Variants in ABI3BP observed in about 807,000 individuals in gnomAD.
The protein encoded by ABI3BP is ABI family member 3 binding protein.
In ABI3BP, 216 loss-of-function variants were observed where a neutral mutation model predicts 268.6. That is an observed-to-expected ratio of 0.80 (90% CI 0.72 to 0.90). The LOEUF is 0.90. Among genes scored for constraint, ABI3BP ranks in the 40% least tolerant of loss-of-function variants. The pLI is 0.00. For missense variants in ABI3BP, 2,090 were observed against 2,182.4 expected (o/e 0.96, Z 0.84); for synonymous variants, 730 against 730.0 (o/e 1.00, Z 0.00).
rs938329344 is a variant in ABI3BP, at chr3:100,844,335, C to T, written c.1723+2037G>A. Reference sequence around the variant, plus strand: ...TAAACCATGAAGGAAACAATTCCCACTGGACGAGGTAGACAAGTTAAGACA... The same window carrying T: ...TAAACCATGAAGGAAACAATTCCCATTGGACGAGGTAGACAAGTTAAGACA... On this transcript the variant is annotated intron_variant, in intron 20 of 67. Coordinates refer to ENST00000471714, the MANE Select transcript of ABI3BP (RefSeq NM_001375547.2). 1.5e-5 allele frequency: 15 copies of T among 985,320 alleles called. No homozygotes were observed. In the African/African-American group the frequency reaches 2.4e-4, roughly 16 times the overall value. The allele number at this position is 985,320 out of a possible 1,614,324, so 61.0% of individuals were successfully genotyped here.
At chr3:100,799,460 A>G (rs758698026) in intron 51 of ABI3BP, among the ~76,000 whole-genome samples, 9 of 152,166 alleles carry the variant, frequency 5.9e-5, no homozygotes, top group Non-Finnish European at 1.2e-4. Flanking sequence ...AATCAATGGT[A>G]TATGTACTCA....
chr3:100,957,561 C>T (rs1323248036), intron 1 of ABI3BP, among the ~76,000 whole-genome samples: 1 of 152,116 alleles, frequency 6.6e-6, no homozygotes, highest in Non-Finnish European at 1.5e-5. Flanking sequence ...TAGATGAGAT[C>T]ACCAAGGGAG....
intron 1 of ABI3BP, among the ~76,000 whole-genome samples, chr3:100,965,564 A>G (rs1280309196): frequency 1.3e-5 from 2 of 152,094 alleles, no homozygotes; most frequent in East Asian, 3.9e-4. Context: ...TTTAGTAAGG[A>G]AAGGACTGAG....
intron 1 of ABI3BP, among the ~76,000 whole-genome samples, chr3:100,971,395 G>A (rs2083509785): frequency 6.6e-6 from 1 of 152,212 alleles, no homozygotes; most frequent in Non-Finnish European, 1.5e-5. Flanking sequence ...AGTGTTTCAA[G>A]AGAATAAGTA....
In ABI3BP at chr3:100,765,716, C is replaced by T; in HGVS notation, c.4850+125G>A. 1.4e-5 allele frequency: 10 copies of T among 716,194 alleles called. No individual in the cohort carries two copies. In the South Asian group the frequency reaches 1.8e-4, roughly 13 times the overall value. 44.4% of individuals were successfully genotyped at this position (716,194 alleles called of 1,614,324 possible). On this transcript the variant is annotated intron_variant, in intron 63 of 67. Coordinates refer to ENST00000471714, the MANE Select transcript of ABI3BP (RefSeq NM_001375547.2). ...GGTATCTAGTGCTATATATAGAAAA[C>T]CCAAGAGTGAAATGGAAGCTAGAGC...
intron 1 of ABI3BP, among the ~76,000 whole-genome samples, chr3:100,935,379 A>G (rs1038558552): frequency 1.3e-5 from 2 of 152,058 alleles, no homozygotes; most frequent in African/African-American, 4.8e-5. Flanking sequence ...TTGTTACTGT[A>G]GCATTTTAGT....
rs2099198212 is a variant in ABI3BP, at chr3:100,879,102, ACTCTAAAGCTTACTC to A, written c.697-2557_697-2543del. Among the ~76,000 whole-genome samples, 4 of 152,102 alleles carry A rather than the reference ACTCTAAAGCTTACTC, an allele frequency of 2.6e-5. No homozygotes were observed. In the South Asian group the frequency reaches 8.3e-4, roughly 32 times the overall value. ...TACGGTCACACTGCTGTGCGATAGCACTCTAAAGCTTACTCCTCCTGCCTAACTGAAACTTCCTAC... is the reference window on the plus strand; with the variant it reads ...TACGGTCACACTGCTGTGCGATAGCACTCCTGCCTAACTGAAACTTCCTAC... On this transcript the variant is annotated intron_variant, in intron 6 of 67. Coordinates refer to ENST00000471714, the MANE Select transcript of ABI3BP (RefSeq NM_001375547.2).
rs1267528516 is a variant in ABI3BP at position 100,749,842 on chromosome 3, T to G, written c.*653A>C. On this transcript the variant is annotated 3_prime_UTR_variant, in exon 68 of 68. Coordinates refer to ENST00000471714, the MANE Select transcript of ABI3BP (RefSeq NM_001375547.2). ...TGAAACAATATATTAGACTCCATTT[T>G]TAGCTGAAATGAAATTTACTGATTC... 5.0e-6 allele frequency: 2 copies of G among 396,746 alleles called. No individual in the cohort carries two copies. Among genetic ancestry groups the G allele is most frequent in the African/African-American group, 2.1e-5 (1 of 48,570 alleles). 24.6% of individuals were successfully genotyped at this position (396,746 alleles called of 1,614,324 possible).
intron 1 of ABI3BP, among the ~76,000 whole-genome samples, chr3:100,935,730 C>T (rs935951675): frequency 5.3e-5 from 8 of 151,750 alleles, no homozygotes; most frequent in Admixed American, 6.6e-5. Flanking sequence ...ATTTTATTCT[C>T]TTTGTAGCAA....
chr3:100,783,625 A>G (rs2096934400), intron 57 of ABI3BP, among the ~76,000 whole-genome samples: 1 of 152,188 alleles, frequency 6.6e-6, no homozygotes, highest in African/African-American at 2.4e-5. Context: ...AGTTGAAAAC[A>G]TTTATCCTTT....
At chr3:100,921,774 ATACT>A (rs1281183878) in intron 2 of ABI3BP, among the ~76,000 whole-genome samples, 12 of 152,226 alleles carry the variant, frequency 7.9e-5, no homozygotes, top group Admixed American at 7.9e-4. Context: ...ATCTCTGTCA[ATACT>A]TAATAAATAG....
At chr3:100,815,836 T>C in intron 44 of ABI3BP, 76 bp downstream of exon 44, 1 of 1,031,400 alleles carries the variant, frequency 9.7e-7, no homozygotes, top group Non-Finnish European at 1.4e-6. Context: ...CAGAAGCAAC[T>C]CTGGTCATGA....
chr3:100,822,878 T>A (rs1230613963), intron 37 of ABI3BP, among the ~76,000 whole-genome samples: 2 of 152,136 alleles, frequency 1.3e-5, no homozygotes, highest in African/African-American at 4.8e-5. Flanking sequence ...GAAATAAAGA[T>A]TAGAAATTTT....
intron 1 of ABI3BP, among the ~76,000 whole-genome samples, chr3:100,938,207 T>C (rs969072214): frequency 1.2e-4 from 18 of 151,718 alleles, no homozygotes; most frequent in African/African-American, 4.4e-4. Flanking sequence ...CTAGGCTTAG[T>C]AGCTGGGTGA....
At chr3:100,873,393 T>C (rs1161741328) in intron 9 of ABI3BP, among the ~76,000 whole-genome samples, 3 of 152,176 alleles carry the variant, frequency 2.0e-5, no homozygotes, top group Admixed American at 1.3e-4. Context: ...TCATTAGATT[T>C]GATGTCTTTT....
intron 66 of ABI3BP, 189 bp downstream of exon 66, chr3:100,752,589 ATTTACCTTC>A (rs1422815348): frequency 1.9e-5 from 10 of 513,710 alleles, no homozygotes; most frequent in Non-Finnish European, 3.4e-5. Context: ...CATTTTTATT[ATTTACCTTC>A]TAATAGCATG....
intron 1 of ABI3BP, among the ~76,000 whole-genome samples, chr3:100,977,904 G>A (rs113382780): frequency 3.3e-5 from 5 of 152,076 alleles, no homozygotes; most frequent in East Asian, 3.9e-4. Flanking sequence ...GGACCATCTC[G>A]AGGCCCTCTC....
At chr3:100,795,114 A>C in intron 53 of ABI3BP, 111 bp from the exon 54 acceptor site, 2 of 668,454 alleles carry the variant, frequency 3.0e-6, no homozygotes, top group Non-Finnish European at 4.7e-6. Flanking sequence ...GGAAAGAAGA[A>C]AGTTAAGTGT....
At chr3:100,822,017 G>C (rs535382016) in intron 38 of ABI3BP, among the ~76,000 whole-genome samples, 1 of 151,952 alleles carries the variant, frequency 6.6e-6, no homozygotes, top group Non-Finnish European at 1.5e-5. Flanking sequence ...CCTGTGCCTT[G>C]GTGATTTCAA....
Sources: gnomAD v4.1 joint callset for allele counts (sites outside exome capture counted in the v4.1 genomes callset) on GRCh38, gnomAD v4.1.1 for gene constraint, MANE v1.5 for transcripts, NCBI Gene and HGNC (gene_info 2026-07-23, HGNC 2026-07-21) for gene names.